Variants in ARHGEF12 observed in about 807,000 individuals in gnomAD.
ARHGEF12 encodes Rho guanine nucleotide exchange factor 12, also known as KMT2A/ARHGEF12 fusion protein.
A neutral mutation model predicts 211.2 loss-of-function variants in ARHGEF12; 66 were observed. The observed-to-expected ratio is 0.31, with a 90% CI of 0.26 to 0.38. The LOEUF (loss-of-function observed/expected upper bound fraction) is 0.38. ARHGEF12 is among the 10% of genes least tolerant of loss of function. ARHGEF12 has a pLI of 1.00. For synonymous variants in ARHGEF12, 592 were observed against 638.4 expected, an observed-to-expected ratio of 0.93 and a Z score of 1.09; for missense variants, 1,429 against 1,869.5, an observed-to-expected ratio of 0.76 and a Z score of 4.34.
At chr11:120,337,974 G>A (rs1256797782) in intron 1 of ARHGEF12, 6 of 920,532 alleles carry the variant, frequency 6.5e-6, no homozygotes, top group Non-Finnish European at 7.8e-6. Context: ...TAAGCGCGCA[G>A]CTGAATTTGT....
At position 120,481,412 on chromosome 11, in the gene ARHGEF12, G is replaced by A. The variant is rs567772094; in HGVS notation, c.4390G>A (p.Asp1464Asn). ...QQHSPQNTHS[D>N]GAISPFTPEF... The stretch of plus-strand genomic sequence containing the variant: ...ACATTCTCCTCAGAATACTCACTCC[G>A]ATGGGGCAATTTCACCATTCACCCC... The change falls in exon 39 of 41, where the codon GAT (aspartate) becomes AAT (asparagine). Residue 1464 changes from aspartate (D) to asparagine (N), a missense_variant. Physicochemically the swap from Asp to Asn is conservative, Grantham distance 23. Coordinates refer to ENST00000397843, the MANE Select transcript of ARHGEF12 (RefSeq NM_015313.3). The A allele has an allele frequency of 4.5e-5, 72 of 1,614,142 alleles. No individual in the cohort carries two copies. Among genetic ancestry groups the A allele is most frequent in the African/African-American group, 9.3e-5 (7 of 75,028 alleles).
intron 2 of ARHGEF12, 131 bp downstream of exon 2, chr11:120,406,272 T>A (rs992560664): frequency 5.4e-6 from 3 of 557,646 alleles, no homozygotes; most frequent in Non-Finnish European, 8.7e-6. Flanking sequence ...TTTCAAAATG[T>A]TTTACAAATT....
Position 120,451,597 on chromosome 11 carries a change from T to C in ARHGEF12, c.1929T>C (p.Ser643=), listed in dbSNP as rs934235622. Reference sequence around the variant, plus strand: ...CTGTGAGTCCTGAACCTCAGGACTCTGCCAAGTTGCGCCAGAGTGGGTTAG... The same window carrying C: ...CTGTGAGTCCTGAACCTCAGGACTCCGCCAAGTTGCGCCAGAGTGGGTTAG... The part of the protein sequence containing the change: ...PSSVSPEPQD[S]AKLRQSGLAN... The change falls in exon 22 of 41, where the codon TCT becomes TCC. Residue 643 remains serine, a synonymous_variant. Coordinates refer to ENST00000397843, the MANE Select transcript of ARHGEF12 (RefSeq NM_015313.3). The C allele has an allele frequency of 1.2e-5, 19 of 1,614,214 alleles. No homozygotes were observed. The highest frequency in any genetic ancestry group is 1.4e-5 in the Non-Finnish European group (17 of 1,180,034).
chr11:120,421,648 G>C (rs1945194628), intron 5 of ARHGEF12, among the ~76,000 whole-genome samples, 155 bp from the exon 6 acceptor site: 1 of 151,926 alleles, frequency 6.6e-6, no homozygotes. Context: ...ATGTTGGCCA[G>C]GATGGTCTCG....
At chr11:120,375,673 T>C (rs925438902) in intron 1 of ARHGEF12, among the ~76,000 whole-genome samples, 3 of 152,048 alleles carry the variant, frequency 2.0e-5, no homozygotes, top group African/African-American at 7.2e-5. Context: ...TATTAACATA[T>C]TACATTTGTG....
intron 1 of ARHGEF12, among the ~76,000 whole-genome samples, chr11:120,359,598 C>T (rs1466281330): frequency 2.0e-5 from 3 of 152,078 alleles, no homozygotes; most frequent in Non-Finnish European, 4.4e-5. Context: ...TATCTGGGTA[C>T]AAATATCTAG....
chr11:120,469,854 G>A (rs1182258489), intron 30 of ARHGEF12, among the ~76,000 whole-genome samples: 1 of 152,178 alleles, frequency 6.6e-6, no homozygotes, highest in East Asian at 1.9e-4. Flanking sequence ...GGGGATGTTA[G>A]GTGGTGCCTA....
At chr11:120,337,675 A>G in intron 1 of ARHGEF12, 2 of 985,420 alleles carry the variant, frequency 2.0e-6, no homozygotes, top group Non-Finnish European at 2.4e-6. Context: ...GATTCTCAAG[A>G]CAATTACATT....
intron 1 of ARHGEF12, among the ~76,000 whole-genome samples, chr11:120,375,186 T>C (rs1255652642): frequency 1.3e-5 from 2 of 152,192 alleles, no homozygotes; most frequent in Admixed American, 6.5e-5. Flanking sequence ...AAAGTGAGTC[T>C]TCTTATCATG....
intron 30 of ARHGEF12, among the ~76,000 whole-genome samples, chr11:120,470,721 G>A (rs1946842765): frequency 6.6e-6 from 1 of 152,174 alleles, no homozygotes; most frequent in East Asian, 1.9e-4. Flanking sequence ...ACCCCAGAGG[G>A]TTATGTAGCA....
Position 120,481,476 on chromosome 11 carries a change from A to T in ARHGEF12, c.4454A>T (p.Tyr1485Phe), listed in dbSNP as rs1434783218. The T allele has an allele frequency of 1.2e-6, 2 of 1,614,092 alleles. No homozygotes were observed. Among genetic ancestry groups the T allele is most frequent in the Admixed American group, 1.7e-5 (1 of 60,000 alleles). ...CAGCAGCGCTGGGGAGCTATGGAGT[A>T]TTCCTGTTTTGAGATCCAGAGTCCC... ...LVQQRWGAMEYSCFEIQSPSS... is the reference protein window; with the variant it reads ...LVQQRWGAMEFSCFEIQSPSS... Residue 1485 changes from tyrosine (Y) to phenylalanine (F), a missense_variant, in exon 39 of 41, where the codon TAT becomes TTT. Tyr to Phe is a conservative substitution (Grantham distance 22). This residue lies in a region of ARHGEF12 where 467 missense variants were observed against 468.4 expected (regional missense o/e 1.00). Transcript: ENST00000397843.
intron 4 of ARHGEF12, 24 bp downstream of exon 4, chr11:120,409,474 C>T (rs766836298): frequency 6.2e-7 from 1 of 1,611,708 alleles, no homozygotes; most frequent in African/African-American, 1.3e-5. Flanking sequence ...GCTAATTCAG[C>T]CTTGCCCTTT....
intron 1 of ARHGEF12, among the ~76,000 whole-genome samples, chr11:120,397,922 G>A (rs1344248936): frequency 6.6e-6 from 1 of 152,184 alleles, no homozygotes; most frequent in Non-Finnish European, 1.5e-5. Context: ...GGGAAAGAAT[G>A]GGAATATATG....
chr11:120,373,597 G>T (rs1029170374), intron 1 of ARHGEF12, among the ~76,000 whole-genome samples: 1 of 152,054 alleles, frequency 6.6e-6, no homozygotes, highest in Non-Finnish European at 1.5e-5. Flanking sequence ...TTATTGGTAC[G>T]ATATTCTATT....
At chr11:120,361,438 C>T (rs1427159562) in intron 1 of ARHGEF12, among the ~76,000 whole-genome samples, 1 of 152,194 alleles carries the variant, frequency 6.6e-6, no homozygotes, top group Non-Finnish European at 1.5e-5. Context: ...AAATTGTCTT[C>T]CACTAAATCC....
chr11:120,388,126 G>C (rs1565445592), intron 1 of ARHGEF12, among the ~76,000 whole-genome samples: 1 of 152,066 alleles, frequency 6.6e-6, no homozygotes. Flanking sequence ...TGTACCCATT[G>C]ACTTGTCTTT....
chr11:120,399,340 A>AAAAAAAAAAAAAAAAAAAG (rs1944487909), intron 1 of ARHGEF12, among the ~76,000 whole-genome samples: 1 of 146,214 alleles, frequency 6.8e-6, no homozygotes, highest in African/African-American at 2.6e-5. Context: ...AAAAAAAAAA[A>AAAAAAAAAAAAAAAAAAAG]AAAAAAAAAA....
chr11:120,404,408 T>G (rs891848970), intron 1 of ARHGEF12, among the ~76,000 whole-genome samples: 1 of 152,228 alleles, frequency 6.6e-6, no homozygotes, highest in Non-Finnish European at 1.5e-5. Context: ...TAGCAGATAC[T>G]TTAAAGTAGA....
intron 27 of ARHGEF12, 106 bp downstream of exon 27, chr11:120,460,863 A>C (rs1485260188): frequency 1.0e-6 from 1 of 952,992 alleles, no homozygotes; most frequent in Non-Finnish European, 1.6e-6. Context: ...CCATGTTGCA[A>C]AGTTAATGCA....
Sources: allele counts gnomAD v4.1 joint callset (sites outside exome capture counted in the v4.1 genomes callset), GRCh38; gene constraint gnomAD v4.1.1; regional missense constraint gnomAD v4.1.1; transcripts MANE v1.5; gene names NCBI Gene and HGNC (gene_info 2026-07-23, HGNC 2026-07-21).